Variants in RBFOX3 observed in about 807,000 individuals in gnomAD.
RBFOX3 encodes the protein RNA binding fox-1 homolog 3.
A neutral mutation model predicts 48.7 loss-of-function variants in RBFOX3; 17 were observed. The ratio of observed to expected loss-of-function variants is 0.35; its 90% confidence interval spans 0.24 to 0.52. The LOEUF (loss-of-function observed/expected upper bound fraction) is 0.52, where lower values mean the gene tolerates loss of function less well. RBFOX3 is among the 20% of genes least tolerant of loss of function. The pLI is 0.94. For missense variants in RBFOX3, 382 were observed against 497.5 expected (o/e 0.77, Z 2.21); for synonymous variants, 212 against 209.5 (o/e 1.01, Z -0.10).
intron 3 of RBFOX3, among the ~76,000 whole-genome samples, chr17:79,247,022 G>A (rs1416984332): frequency 6.6e-6 from 1 of 152,290 alleles, no homozygotes; most frequent in South Asian, 2.1e-4. Flanking sequence ...TTTGGGAGAT[G>A]GGCAAAATCT....
At chr17:79,355,286 G>A (rs560864912) in intron 2 of RBFOX3, among the ~76,000 whole-genome samples, 73 of 152,344 alleles carry the variant, frequency 4.8e-4, no homozygotes, top group African/African-American at 1.6e-3. Context: ...CCTGCAGAAC[G>A]TATCGAGGGC....
intron 4 of RBFOX3, among the ~76,000 whole-genome samples, chr17:79,177,143 G>A (rs905953738): frequency 2.6e-5 from 4 of 152,132 alleles, no homozygotes; most frequent in African/African-American, 9.7e-5. Context: ...CCTGGGCTGA[G>A]CTGGGTGCCA....
chr17:79,517,614 A>G (rs1377558420), intron 1 of RBFOX3, among the ~76,000 whole-genome samples: 1 of 151,830 alleles, frequency 6.6e-6, no homozygotes, highest in Non-Finnish European at 1.5e-5. Context: ...AGGGAGAGAG[A>G]TTGTCAGGAC....
At chr17:79,309,154 G>A (rs1349830877) in intron 2 of RBFOX3, among the ~76,000 whole-genome samples, 1 of 151,792 alleles carries the variant, frequency 6.6e-6, no homozygotes, top group Non-Finnish European at 1.5e-5. Flanking sequence ...CCCAGTGTAT[G>A]ACATCTTGTT....
chr17:79,162,142 C>A (rs1599744675), intron 4 of RBFOX3, among the ~76,000 whole-genome samples: 1 of 152,228 alleles, frequency 6.6e-6, no homozygotes, highest in Non-Finnish European at 1.5e-5. Flanking sequence ...ATTAAACTAG[C>A]AGCACAATCC....
intron 2 of RBFOX3, among the ~76,000 whole-genome samples, chr17:79,439,750 G>A (rs1235240190): frequency 6.6e-6 from 1 of 152,204 alleles, no homozygotes; most frequent in African/African-American, 2.4e-5. Flanking sequence ...ATGCACATGT[G>A]TGCGTAAGTG....
chr17:79,318,029 G>C (rs1026358142), intron 2 of RBFOX3, among the ~76,000 whole-genome samples: 2 of 152,148 alleles, frequency 1.3e-5, no homozygotes, highest in Non-Finnish European at 2.9e-5. Flanking sequence ...TCTGTGGATT[G>C]GGAAAAACCT....
Position 79,342,644 on chromosome 17 carries a change from GAGGAA to G in RBFOX3, c.-174-34825_-174-34821del, listed in dbSNP as rs562704144. On this transcript the variant is annotated intron_variant, in intron 2 of 14. Transcript: ENST00000693108. ...CAGGTCAGAGTCGAAGGATGACCTGGAGGAACTGCTGGAGAGGTTGATGGGGCTTT... is the reference window on the plus strand; with the variant it reads ...CAGGTCAGAGTCGAAGGATGACCTGGCTGCTGGAGAGGTTGATGGGGCTTT... Among the ~76,000 whole-genome samples, 295 of 152,316 alleles carry G rather than the reference GAGGAA, an allele frequency of 1.9e-3. 1 individual carries two copies. Among genetic ancestry groups the G allele is most frequent in the African/African-American group, 6.8e-3 (281 of 41,566 alleles).
In RBFOX3 at chr17:79,153,730, C is replaced by T. The variant is rs373383177; in HGVS notation, c.-33-37982G>A. The stretch of plus-strand genomic sequence containing the variant: ...CACGTGTAACCAATCCCACCACCTG[C>T]ACCTGGGCACCTGACTTCCCACCTC... On this transcript the variant is annotated intron_variant, in intron 4 of 14. Coordinates refer to ENST00000693108, the MANE Select transcript of RBFOX3 (RefSeq NM_001350451.2). Among the ~76,000 whole-genome samples, 5 of 152,318 alleles carry T rather than the reference C, an allele frequency of 3.3e-5. No individual in the cohort carries two copies. In the South Asian group the frequency reaches 1.0e-3, roughly 32 times the overall value.
In RBFOX3 at chr17:79,249,481, G is replaced by A. The variant is rs941027279; in HGVS notation, c.-73-13676C>T. On this transcript the variant is annotated intron_variant, in intron 3 of 14. Coordinates refer to ENST00000693108, the MANE Select transcript of RBFOX3 (RefSeq NM_001350451.2). The surrounding 1 kb of genome is among the most constrained non-coding windows in gnomAD (Gnocchi z 4.1). ...GATTCCGAGAGGCAGCAAACAACGG[G>A]CTTGGGGTGTGCTTTTTCACCTGCA... 6.6e-6 allele frequency among the ~76,000 whole-genome samples: 1 copy of A among 151,950 alleles called. No individual in the cohort carries two copies. Among genetic ancestry groups the A allele is most frequent in the Non-Finnish European group, 1.5e-5 (1 of 68,002 alleles).
At chr17:79,231,099 C>T (rs184568607) in intron 4 of RBFOX3, among the ~76,000 whole-genome samples, 36 of 152,290 alleles carry the variant, frequency 2.4e-4, no homozygotes, top group African/African-American at 8.7e-4. Flanking sequence ...GACCCCAGGT[C>T]AAGCCTGGTG....
chr17:79,378,226 C>T (rs1439341837), intron 2 of RBFOX3, among the ~76,000 whole-genome samples: 4 of 151,976 alleles, frequency 2.6e-5, no homozygotes, highest in Non-Finnish European at 5.9e-5. Context: ...CATCACCACT[C>T]TGGACACAAA....
chr17:79,338,855 C>G (rs980403113), intron 2 of RBFOX3, among the ~76,000 whole-genome samples: 1 of 152,178 alleles, frequency 6.6e-6, no homozygotes, highest in Non-Finnish European at 1.5e-5. Flanking sequence ...TTGCTTGGCC[C>G]TGTTTCTACT....
intron 1 of RBFOX3, among the ~76,000 whole-genome samples, chr17:79,495,742 G>C (rs1486190145): frequency 6.7e-6 from 1 of 148,306 alleles, no homozygotes; most frequent in Non-Finnish European, 1.5e-5. Context: ...TGGGGGAGAG[G>C]GTATGACAGG....
At chr17:79,502,946 A>G (rs2082578318) in intron 1 of RBFOX3, among the ~76,000 whole-genome samples, 1 of 152,180 alleles carries the variant, frequency 6.6e-6, no homozygotes, top group Admixed American at 6.5e-5. Flanking sequence ...GGACCCCATA[A>G]CAATATCACA....
At chr17:79,224,203 C>T (rs191240166) in intron 4 of RBFOX3, among the ~76,000 whole-genome samples, 2 of 151,974 alleles carry the variant, frequency 1.3e-5, no homozygotes, top group Middle Eastern at 3.4e-3. Context: ...GCCTCCCCAC[C>T]GCAGATGCCT....
intron 2 of RBFOX3, among the ~76,000 whole-genome samples, chr17:79,332,713 A>ACAGAGAGAG (rs1568058777): frequency 3.0e-5 from 4 of 133,194 alleles, no homozygotes; most frequent in South Asian, 2.5e-4. Context: ...GAGAGACAGA[A>ACAGAGAGAG]AGACAGAGCC....
intron 3 of RBFOX3, among the ~76,000 whole-genome samples, chr17:79,292,007 G>A (rs764181806): frequency 2.4e-4 from 36 of 152,132 alleles, no homozygotes; most frequent in Non-Finnish European, 4.1e-4. Flanking sequence ...CTTAGATGCT[G>A]TAGCTTAGGA....
the RBFOX3 span, among the ~76,000 whole-genome samples, chr17:79,635,156 G>C: frequency 6.9e-6 from 1 of 145,372 alleles, no homozygotes; most frequent in Admixed American, 7.1e-5. Context: ...CAAATTGTCT[G>C]CTTCTGTAAT....
Sources: allele counts gnomAD v4.1 joint callset (sites outside exome capture counted in the v4.1 genomes callset), GRCh38; gene constraint gnomAD v4.1.1; non-coding constraint Gnocchi (gnomAD v3.1); transcripts MANE v1.5; gene names NCBI Gene and HGNC (gene_info 2026-07-23, HGNC 2026-07-21).